CSMD1: variants seen among roughly 807,000 people sequenced by gnomAD.
CSMD1 encodes CUB and Sushi multiple domains 1.
A neutral mutation model predicts 417.5 loss-of-function variants in CSMD1; 213 were observed. That is an observed-to-expected ratio of 0.51 (90% CI 0.46 to 0.57). The LOEUF (loss-of-function observed/expected upper bound fraction) is 0.57. Among genes scored for constraint, CSMD1 ranks in the 20% least tolerant of loss-of-function variants. The pLI is 0.00. For missense variants in CSMD1, 6,923 were observed against 4,529.7 expected (o/e 1.53, Z -15.17); for synonymous variants, 2,862 against 1,736.8 (o/e 1.65, Z -16.11).
chr8:3,881,401 C>T (rs1488224536), intron 5 of CSMD1, among the ~76,000 whole-genome samples: 6 of 150,772 alleles, frequency 4.0e-5, no homozygotes, highest in African/African-American at 1.2e-4. Flanking sequence ...TTTGGGAGGC[C>T]GAGGCAGGCA....
At chr8:4,797,645 A>C (rs915199490) in intron 1 of CSMD1, among the ~76,000 whole-genome samples, 1 of 152,236 alleles carries the variant, frequency 6.6e-6, no homozygotes, top group Non-Finnish European at 1.5e-5. Flanking sequence ...GAAGATATAG[A>C]AATCATGATA....
chr8:3,126,049 C>A (rs1341230731), intron 41 of CSMD1, among the ~76,000 whole-genome samples: 3 of 152,202 alleles, frequency 2.0e-5, no homozygotes, highest in Admixed American at 1.3e-4. Flanking sequence ...CATACATGAG[C>A]CTTGAAGTAG....
At chr8:3,329,534 A>G (rs561996839) in intron 23 of CSMD1, among the ~76,000 whole-genome samples, 60 of 152,312 alleles carry the variant, frequency 3.9e-4, no homozygotes, top group Non-Finnish European at 6.6e-4. Context: ...GAGAATGTGC[A>G]GCAGTTCCCT....
At chr8:4,408,260 T>C (rs1049124328) in intron 3 of CSMD1, among the ~76,000 whole-genome samples, 2 of 152,120 alleles carry the variant, frequency 1.3e-5, no homozygotes, top group African/African-American at 4.8e-5. Flanking sequence ...CCTCAGAGGA[T>C]ATGAAAGAAT....
chr8:4,006,634 C>G (rs1163093415), intron 4 of CSMD1, among the ~76,000 whole-genome samples: 1 of 152,134 alleles, frequency 6.6e-6, no homozygotes, highest in Non-Finnish European at 1.5e-5. Flanking sequence ...CATAGGTAAG[C>G]AAGAGAGGGA....
intron 3 of CSMD1, among the ~76,000 whole-genome samples, chr8:4,050,305 T>G (rs1197988306): frequency 6.6e-6 from 1 of 152,148 alleles, no homozygotes; most frequent in Non-Finnish European, 1.5e-5. Flanking sequence ...CAGCAGAACT[T>G]AAGGAATACG....
At chr8:3,726,322 G>C (rs1200152022) in intron 6 of CSMD1, among the ~76,000 whole-genome samples, 1 of 152,120 alleles carries the variant, frequency 6.6e-6, no homozygotes, top group Non-Finnish European at 1.5e-5. Flanking sequence ...TTCTTCATTA[G>C]GCCAATAATA....
chr8:4,262,813 A>G (rs766951598), intron 3 of CSMD1, among the ~76,000 whole-genome samples: 2 of 152,178 alleles, frequency 1.3e-5, no homozygotes, highest in African/African-American at 4.8e-5. Flanking sequence ...CCCAGAGACA[A>G]TGAGAATTTT....
At chr8:4,731,596 A>T (rs1809869854) in intron 1 of CSMD1, among the ~76,000 whole-genome samples, 1 of 152,196 alleles carries the variant, frequency 6.6e-6, no homozygotes, top group Non-Finnish European at 1.5e-5. Context: ...TGAGGAATAA[A>T]ACTGAATAAA....
At chr8:4,543,968 A>G (rs1435726149) in intron 2 of CSMD1, among the ~76,000 whole-genome samples, 1 of 152,110 alleles carries the variant, frequency 6.6e-6, no homozygotes, top group Non-Finnish European at 1.5e-5. Context: ...TAGCCCATTT[A>G]TTAGGTTCAT....
chr8:3,589,174 G>A (rs1476967453), intron 8 of CSMD1, among the ~76,000 whole-genome samples: 1 of 152,168 alleles, frequency 6.6e-6, no homozygotes, highest in Non-Finnish European at 1.5e-5. Context: ...ATGGAAAATA[G>A]TATAGGGGTT....
chr8:3,261,807 G>C (rs753437230), intron 26 of CSMD1, among the ~76,000 whole-genome samples: 2 of 152,128 alleles, frequency 1.3e-5, no homozygotes, highest in African/African-American at 4.8e-5. Context: ...CAAAAGTCTG[G>C]AAGTACAGAA....
chr8:4,272,377 A>T (rs11992901), intron 3 of CSMD1, among the ~76,000 whole-genome samples: 14 of 152,290 alleles, frequency 9.2e-5, no homozygotes, highest in Admixed American at 5.2e-4. Context: ...CTTTCACCTG[A>T]AGTCTCAGTT....
At chr8:4,136,813 G>A (rs1803466754) in intron 3 of CSMD1, among the ~76,000 whole-genome samples, 1 of 152,064 alleles carries the variant, frequency 6.6e-6, no homozygotes, top group Non-Finnish European at 1.5e-5. Context: ...GATTGTGAAG[G>A]GATCCTGACA....
In CSMD1 at chr8:4,664,396, C is replaced by G. The variant is rs115703705; in HGVS notation, c.86-26838G>C. On this transcript the variant is annotated intron_variant, in intron 1 of 69. Transcript: ENST00000635120. Reference sequence around the variant, plus strand: ...GCAACATGGTGAAACCCCATGTCTACAGTAGAAACGAAAATTGAATGTTCC... The same window carrying G: ...GCAACATGGTGAAACCCCATGTCTAGAGTAGAAACGAAAATTGAATGTTCC... Among the ~76,000 whole-genome samples the G allele has an allele frequency of 5.9e-5, 9 of 152,140 alleles. No homozygotes were observed. In the South Asian group the frequency reaches 1.9e-3, roughly 32 times the overall value.
rs56360599 is a variant in CSMD1 at position 3,580,666 on chromosome 8, A to C, written c.1222+5470T>G. 7.9e-3 allele frequency among the ~76,000 whole-genome samples: 1,207 copies of C among 152,296 alleles called. 14 individuals carry two copies. The highest frequency in any genetic ancestry group is 0.028 in the African/African-American group (1,150 of 41,562). On this transcript the variant is annotated intron_variant, in intron 9 of 69. Transcript: ENST00000635120. The stretch of plus-strand genomic sequence containing the variant: ...TCAGGAGTCAGGAAACAGCAGCAGA[A>C]ATTTCTCCAAATTCACAGGAATTAA...
chr8:3,794,894 T>C (rs1585009306), intron 5 of CSMD1, among the ~76,000 whole-genome samples: 4 of 152,150 alleles, frequency 2.6e-5, no homozygotes, highest in South Asian at 4.1e-4. Context: ...TCTTACTGTC[T>C]GTAATGGTTT....
At chr8:4,523,168 T>C (rs1464195163) in intron 2 of CSMD1, among the ~76,000 whole-genome samples, 2 of 152,206 alleles carry the variant, frequency 1.3e-5, no homozygotes, top group Non-Finnish European at 2.9e-5. Flanking sequence ...AATGATCTCG[T>C]CTATTTAGTA....
chr8:4,863,052 G>T (rs1021607769), intron 1 of CSMD1, among the ~76,000 whole-genome samples: 1 of 152,054 alleles, frequency 6.6e-6, no homozygotes, highest in Admixed American at 6.5e-5. Context: ...GACAATGTGA[G>T]GTCCCTGGTG....
Sources: allele counts gnomAD v4.1 joint callset (sites outside exome capture counted in the v4.1 genomes callset), GRCh38; gene constraint gnomAD v4.1.1; transcripts MANE v1.5; gene names NCBI Gene and HGNC (gene_info 2026-07-23, HGNC 2026-07-21).